Variants in MGME1 observed in about 807,000 individuals in gnomAD.
The protein encoded by MGME1 is chromosome 20 open reading frame 72.
Under a neutral mutation model 33.0 loss-of-function variants are expected in MGME1, and 22 were observed. The ratio of observed to expected loss-of-function variants is 0.67; its 90% CI spans 0.48 to 0.95. The LOEUF (loss-of-function observed/expected upper bound fraction) is 0.95. MGME1 is among the 40% of genes least tolerant of loss of function. The pLI, the probability that MGME1 is intolerant of heterozygous loss-of-function variation, is 0.00. For synonymous variants in MGME1, 133 were observed against 144.0 expected (o/e 0.92, Z 0.55); for missense variants, 383 against 397.8 (o/e 0.96, Z 0.32).
Position 17,990,722 on chromosome 20 carries a change from T to C in MGME1, c.*613T>C, listed in dbSNP as rs1247862019. On this transcript the variant is annotated 3_prime_UTR_variant, in exon 5 of 5. Coordinates refer to ENST00000377710, the MANE Select transcript of MGME1 (RefSeq NM_052865.4). ...GACTATAAAGACAGTATATTCACCATGTCGCTGGCAATATGTCATTGCGTA... is the reference window on the plus strand; with the variant it reads ...GACTATAAAGACAGTATATTCACCACGTCGCTGGCAATATGTCATTGCGTA... 2.0e-5 allele frequency: 3 copies of C among 152,550 alleles called. No individual in the cohort carries two copies. Among genetic ancestry groups the C allele is most frequent in the African/African-American group, 7.2e-5 (3 of 41,588 alleles). 9.4% of individuals were successfully genotyped at this position (152,550 alleles called of 1,614,324 possible).
intron 3 of MGME1, 57 bp from the exon 4 acceptor site, chr20:17,988,109 G>T: frequency 6.5e-7 from 1 of 1,528,528 alleles, no homozygotes; most frequent in South Asian, 1.2e-5. Flanking sequence ...TGTTAACCTA[G>T]TAGAGATTTT....
Position 17,990,419 on chromosome 20 carries a change from G to GGGC in MGME1, c.*312_*313insCGG, listed in dbSNP as rs2036272391. ...CTCCCTTGAGGGACATTGGGGGGGG[G>GGGC]GGGGCGTGGTCCCAGGCAGGATGCC... On this transcript the variant is annotated 3_prime_UTR_variant, in exon 5 of 5. Transcript: ENST00000377710. The GGGC allele has an allele frequency of 3.0e-6, 1 of 330,972 alleles. No individual in the cohort carries two copies. The highest frequency in any genetic ancestry group is 5.6e-6 in the Non-Finnish European group (1 of 177,582). 20.5% of individuals were successfully genotyped at this position (330,972 alleles called of 1,614,324 possible).
chr20:17,968,732 G>A (rs1256004664), upstream of MGME1: 8 of 413,474 alleles, frequency 1.9e-5, no homozygotes, highest in Admixed American at 4.4e-5. Flanking sequence ...GCCGCCAACC[G>A]CAGGGCCGCG....
rs542846018 is a variant in MGME1, at chr20:17,981,892, A to T, written c.731+5989A>T. Reference sequence around the variant, plus strand: ...TGTTTCGAACTCCTGACCTAAGGTGATCCACCCATCTCAGCCTCCCAAAGT... The same window carrying T: ...TGTTTCGAACTCCTGACCTAAGGTGTTCCACCCATCTCAGCCTCCCAAAGT... On this transcript the variant is annotated intron_variant, in intron 3 of 4. Transcript: ENST00000377710. Among the ~76,000 whole-genome samples the T allele has an allele frequency of 2.4e-3, 346 of 142,384 alleles. 2 individuals are homozygous for T. The highest frequency in any genetic ancestry group is 4.3e-3 in the Non-Finnish European group (281 of 65,742). The allele number at this position is 142,384 out of a possible 152,430, so 93.4% of individuals were successfully genotyped here.
In MGME1 at chr20:17,970,304, T is replaced by A; in HGVS notation, c.445T>A (p.Leu149Met). ...QTMTKQQVFLLERWKQRMILE... is the reference protein window; with the variant it reads ...QTMTKQQVFLMERWKQRMILE... ...CATGACAAAACAACAGGTTTTCTTG[T>A]TGGAGAGGTGGAAACAGCGGATGAT... is the stretch of plus-strand genomic sequence containing the variant. Residue 149 changes from leucine to methionine, a missense_variant, in exon 2 of 5, where the codon TTG becomes ATG. Coordinates refer to ENST00000377710, the MANE Select transcript of MGME1 (RefSeq NM_052865.4). The A allele has an allele frequency of 6.2e-7, 1 of 1,614,194 alleles. No homozygotes were observed.
At chr20:17,979,207 G>A (rs1466337120) in intron 3 of MGME1, among the ~76,000 whole-genome samples, 1 of 151,410 alleles carries the variant, frequency 6.6e-6, no homozygotes, top group East Asian at 2.0e-4. Context: ...CTCCTGAGTA[G>A]TTGGGACCAC....
At position 17,988,054 on chromosome 20, in the gene MGME1, G is replaced by A. The variant is rs1221838950; in HGVS notation, c.732-112G>A. The A allele has an allele frequency of 6.6e-6, 7 of 1,061,642 alleles. No individual in the cohort carries two copies. In the South Asian group the frequency reaches 6.9e-5, roughly 11 times the overall value. 65.8% of individuals were successfully genotyped at this position (1,061,642 alleles called of 1,614,324 possible). ...AAAAGGAAAAAAATGGTGAATAAGA[G>A]CAATGGTCATTGGCTGACAAGTAAC... On this transcript the variant is annotated intron_variant, in intron 3 of 4. Transcript: ENST00000377710.
chr20:17,987,202 A>G (rs1028579591), intron 3 of MGME1, among the ~76,000 whole-genome samples: 8 of 151,364 alleles, frequency 5.3e-5, no homozygotes, highest in African/African-American at 1.9e-4. Context: ...AGAACCAGGA[A>G]TGGCATCCTA....
intron 3 of MGME1, among the ~76,000 whole-genome samples, chr20:17,985,036 CAAAAAAAAAA>C (rs535060718): frequency 3.9e-5 from 4 of 103,170 alleles, no homozygotes; most frequent in Middle Eastern, 5.3e-3. Context: ...GACTTTGTCT[CAAAAAAAAAA>C]AAAAAAAAAA....
chr20:17,983,533 C>T (rs750917383), intron 3 of MGME1, among the ~76,000 whole-genome samples: 4 of 152,258 alleles, frequency 2.6e-5, no homozygotes, highest in Middle Eastern at 6.8e-3. Context: ...GATGTTTTCT[C>T]AAATGGCTAT....
rs762866030 is a variant in MGME1, at chr20:17,975,798, T to C, written c.626T>C (p.Val209Ala). ...CTCAAGTCTGGTTACATTGAAAGTG[T>C]CCAGCATATTCTGAAAGATGTCAGT... ...NLLKSGYIES[V>A]QHILKDVSGV... Residue 209 changes from valine (V) to alanine (A), a missense_variant, in exon 3 of 5, where the codon GTC becomes GCC. Transcript: ENST00000377710. 6.1e-5 allele frequency: 99 copies of C among 1,613,964 alleles called. No homozygotes were observed. Among genetic ancestry groups the C allele is most frequent in the Non-Finnish European group, 8.1e-5 (96 of 1,179,964 alleles).
Position 17,990,473 on chromosome 20 carries a change from T to C in MGME1, c.*364T>C. The C allele has an allele frequency of 2.9e-6, 1 of 340,372 alleles. No individual in the cohort carries two copies. The highest frequency in any genetic ancestry group is 5.3e-6 in the Non-Finnish European group (1 of 189,440). The allele number at this position is 340,372 out of a possible 1,614,324, so 21.1% of individuals were successfully genotyped here. On this transcript the variant is annotated 3_prime_UTR_variant, in exon 5 of 5. Transcript: ENST00000377710. ...TCTTTGAGCTGAGATTGGAAGGCAG[T>C]GAGGCTGAGGGTGCCAAGATTTCCC...
At chr20:17,981,509 C>A (rs2036017117) in intron 3 of MGME1, among the ~76,000 whole-genome samples, 1 of 152,170 alleles carries the variant, frequency 6.6e-6, no homozygotes, top group Admixed American at 6.6e-5. Flanking sequence ...TGATCTACTT[C>A]TTTTTTTACT....
rs138956253 is a variant in MGME1 at position 17,975,745 on chromosome 20, A to G, written c.573A>G (p.Glu191=). The change falls in exon 3 of 5, where the codon GAA becomes GAG. Residue 191 remains glutamate (E), a synonymous_variant. Coordinates refer to ENST00000377710, the MANE Select transcript of MGME1 (RefSeq NM_052865.4). ...EALESILSPQ[E]TLKERDENLL... is the part of the protein sequence containing the mutation. ...TGGAAAGCATACTTTCACCCCAGGA[A>G]ACCTTAAAAGAGAGAGATGAAAATC... 253 of 1,614,098 alleles carry G rather than the reference A, an allele frequency of 1.6e-4. No individual in the cohort carries two copies. In the East Asian group the frequency reaches 5.5e-3, roughly 35 times the overall value.
Position 17,975,741 on chromosome 20 carries a change from A to G in MGME1, c.569A>G (p.Gln190Arg), listed in dbSNP as rs1266446159. The change falls in exon 3 of 5, where the codon CAG (glutamine) becomes CGG (arginine). Residue 190 changes from glutamine (Q) to arginine (R), a missense_variant. Coordinates refer to ENST00000377710, the MANE Select transcript of MGME1 (RefSeq NM_052865.4). ...GCCTTGGAAAGCATACTTTCACCCC[A>G]GGAAACCTTAAAAGAGAGAGATGAA... Reference protein sequence around the residue: ...HEALESILSPQETLKERDENL... With the variant: ...HEALESILSPRETLKERDENL... 6.2e-7 allele frequency: 1 copy of G among 1,614,052 alleles called. No homozygotes were observed.
chr20:17,976,140 G>A (rs900247228), intron 3 of MGME1, among the ~76,000 whole-genome samples: 1 of 152,082 alleles, frequency 6.6e-6, no homozygotes, highest in Non-Finnish European at 1.5e-5. Context: ...TTGTTTGTTT[G>A]TTTTGTTTTG....
At chr20:17,970,416 A>G (rs751811418) in intron 2 of MGME1, 46 bp downstream of exon 2, 2 of 1,532,004 alleles carry the variant, frequency 1.3e-6, no homozygotes, top group Admixed American at 2.0e-5. Flanking sequence ...TGTTTTCTAT[A>G]ATAGAGAGCA....
intron 3 of MGME1, among the ~76,000 whole-genome samples, chr20:17,987,171 A>T (rs1190736517): frequency 7.7e-5 from 2 of 25,824 alleles, no homozygotes; most frequent in Non-Finnish European, 1.5e-4. Context: ...GACTCCATCT[A>T]AAAAAAAAAA....
At chr20:17,983,267 T>TTTGTGTGTGTGTGTGTGTG (rs79417227) in intron 3 of MGME1, among the ~76,000 whole-genome samples, 2,586 of 142,598 alleles carry the variant, frequency 0.018, 35 homozygotes, top group South Asian at 0.031. Context: ...TAGTGTTCTA[T>TTTGTGTGTGTGTGTGTGTG]TGTGTGTGTG....
Sources: gnomAD v4.1 joint callset for allele counts (sites outside exome capture counted in the v4.1 genomes callset) on GRCh38, gnomAD v4.1.1 for gene constraint, MANE v1.5 for transcripts, NCBI Gene and HGNC (gene_info 2026-07-23, HGNC 2026-07-21) for gene names.